The following TRHDE variants were observed in gnomAD, a reference collection of about 807,000 sequenced individuals.
The protein encoded by TRHDE is thyrotropin-releasing hormone-degrading ectoenzyme.
A neutral mutation model predicts 125.7 loss-of-function variants in TRHDE; 72 were observed. The ratio of observed to expected loss-of-function variants is 0.57; its 90% confidence interval spans 0.47 to 0.70. The LOEUF (loss-of-function observed/expected upper bound fraction) is 0.70. TRHDE is among the 30% of genes least tolerant of loss of function. The pLI is 0.00. For missense variants in TRHDE, 1,110 were observed against 1,327.1 expected, an observed-to-expected ratio of 0.84 and a Z score of 2.54; for synonymous variants, 509 against 509.1, an observed-to-expected ratio of 1.00 and a Z score of 0.00.
intron 3 of TRHDE, among the ~76,000 whole-genome samples, chr12:72,426,224 A>G (rs193010653): frequency 2.6e-5 from 4 of 152,262 alleles, no homozygotes; most frequent in Admixed American, 2.0e-4. Flanking sequence ...ACTGGCATAC[A>G]TATTTTCTCT....
intron 2 of TRHDE, among the ~76,000 whole-genome samples, chr12:72,217,804 C>T (rs1248033040): frequency 6.6e-6 from 1 of 152,052 alleles, no homozygotes; most frequent in African/African-American, 2.4e-5. Flanking sequence ...AACAACCACC[C>T]AAGTTTTTTA....
chr12:72,360,707 T>C (rs1464117125), intron 2 of TRHDE, among the ~76,000 whole-genome samples: 4 of 151,710 alleles, frequency 2.6e-5, no homozygotes, highest in African/African-American at 9.7e-5. Context: ...GAATTGAAAA[T>C]ATATTGTACA....
rs551122383 is a variant in TRHDE, at chr12:72,172,199, T to A, written n.279+66447T>A. ...CTTGGCTCTTCATTCATCTATTAAG[T>A]AACAAACGGGACGGAATATATGGTT... On this transcript the variant is annotated intron_variant and non_coding_transcript_variant, in intron 2 of 4. Coordinates refer to the TRHDE transcript ENST00000548156. Among the ~76,000 whole-genome samples the A allele has an allele frequency of 5.3e-5, 8 of 152,258 alleles. No individual in the cohort carries two copies. In the South Asian group the frequency reaches 6.2e-4, roughly 12 times the overall value.
At chr12:72,352,722 G>A (rs577846647) in intron 2 of TRHDE, among the ~76,000 whole-genome samples, 40 of 151,598 alleles carry the variant, frequency 2.6e-4, no homozygotes, top group Non-Finnish European at 5.5e-4. Context: ...AATGTTTATC[G>A]ATGCTCTATT....
At chr12:72,531,601 A>G (rs1868558033) in intron 6 of TRHDE, among the ~76,000 whole-genome samples, 1 of 151,656 alleles carries the variant, frequency 6.6e-6, no homozygotes, top group Non-Finnish European at 1.5e-5. Context: ...TGCATTGTAT[A>G]TTGAGTTCTG....
chr12:72,536,124 T>C (rs1868846049), intron 6 of TRHDE, among the ~76,000 whole-genome samples: 1 of 152,144 alleles, frequency 6.6e-6, no homozygotes, highest in African/African-American at 2.4e-5. Context: ...GTAGACTATA[T>C]ACTAGCCAAA....
At chr12:72,157,006 T>C (rs778018408) in intron 2 of TRHDE, among the ~76,000 whole-genome samples, 3 of 152,150 alleles carry the variant, frequency 2.0e-5, no homozygotes, top group Non-Finnish European at 4.4e-5. Context: ...TGTTAAGAGA[T>C]GACACGTAAC....
intron 3 of TRHDE, among the ~76,000 whole-genome samples, chr12:72,467,118 A>G (rs1176927140): frequency 6.6e-6 from 1 of 152,214 alleles, no homozygotes; most frequent in African/African-American, 2.4e-5. Context: ...GTTTTAGGGT[A>G]CATGTGCACA....
At position 72,286,912 on chromosome 12, in the gene TRHDE, C is replaced by A; in HGVS notation, c.1146C>A (p.Cys382Ter). 1 of 1,613,912 alleles carries A rather than the reference C, an allele frequency of 6.2e-7. No individual in the cohort carries two copies. Among genetic ancestry groups the A allele is most frequent in the South Asian group, 1.1e-5 (1 of 91,058 alleles). ...CATATTATTTAGCCTGGGCAATTTG[C>A]AACTTCACATACAGAGAAACTACCA... ...MSTYYLAWAI[C>*]NFTYRETTTK... The change falls in exon 2 of 19, where the codon TGC becomes TGA. Residue 382 changes from cysteine to a stop codon, truncating the protein, a stop_gained. Transcript: ENST00000261180. LOFTEE classifies it high-confidence loss of function.
At chr12:72,361,817 G>T (rs1871100786) in intron 2 of TRHDE, among the ~76,000 whole-genome samples, 1 of 137,588 alleles carries the variant, frequency 7.3e-6, no homozygotes, top group Admixed American at 7.6e-5. Flanking sequence ...GCAGTGTTTG[G>T]TTTTTTGTTC....
chr12:72,300,721 C>G (rs1292667286), intron 2 of TRHDE, among the ~76,000 whole-genome samples: 2 of 151,644 alleles, frequency 1.3e-5, no homozygotes, highest in Admixed American at 1.3e-4. Flanking sequence ...TATGTAATCT[C>G]CATGGTACAT....
chr12:72,515,560 G>T (rs550263946), intron 6 of TRHDE, among the ~76,000 whole-genome samples: 1 of 152,166 alleles, frequency 6.6e-6, no homozygotes, highest in East Asian at 1.9e-4. Flanking sequence ...AGATGAGTAG[G>T]TTGCGAAAAT....
chr12:72,414,523 C>T (rs1248746419), intron 3 of TRHDE, among the ~76,000 whole-genome samples: 1 of 152,076 alleles, frequency 6.6e-6, no homozygotes, highest in Non-Finnish European at 1.5e-5. Flanking sequence ...AATAACAACT[C>T]TGTCGAATTA....
chr12:72,503,804 C>T (rs1003443069), intron 6 of TRHDE, among the ~76,000 whole-genome samples: 7 of 152,176 alleles, frequency 4.6e-5, no homozygotes, highest in Non-Finnish European at 8.8e-5. Flanking sequence ...AGTAAATTGA[C>T]TCCCATCCAA....
chr12:72,292,774 AG>A (rs1880136599), intron 2 of TRHDE, among the ~76,000 whole-genome samples: 1 of 152,198 alleles, frequency 6.6e-6, no homozygotes, highest in Non-Finnish European at 1.5e-5. Context: ...ACATATTTCA[AG>A]GCTTTTGATA....
intron 6 of TRHDE, among the ~76,000 whole-genome samples, chr12:72,522,312 T>G (rs1213103393): frequency 6.6e-6 from 1 of 152,238 alleles, no homozygotes; most frequent in Non-Finnish European, 1.5e-5. Flanking sequence ...TATTATATTT[T>G]GTAATTATTT....
chr12:72,244,290 G>C (rs888167539), intron 2 of TRHDE, among the ~76,000 whole-genome samples: 11 of 152,142 alleles, frequency 7.2e-5, no homozygotes, highest in African/African-American at 2.7e-4. Context: ...AGCACACATA[G>C]GAGCAAATGA....
intron 2 of TRHDE, among the ~76,000 whole-genome samples, chr12:72,130,968 G>T (rs1157576817): frequency 6.6e-6 from 1 of 151,842 alleles, no homozygotes; most frequent in East Asian, 1.9e-4. Flanking sequence ...AAGAATTTAG[G>T]TCTTTTTCTA....
At chr12:72,304,910 G>T (rs997719405) in intron 2 of TRHDE, among the ~76,000 whole-genome samples, 5 of 152,142 alleles carry the variant, frequency 3.3e-5, no homozygotes, top group African/African-American at 1.2e-4. Flanking sequence ...TCTGTAAGCA[G>T]GTTGTATAGG....
Sources: gnomAD v4.1 joint callset for allele counts (sites outside exome capture counted in the v4.1 genomes callset) on GRCh38, gnomAD v4.1.1 for gene constraint, MANE v1.5 for transcripts, NCBI Gene and HGNC (gene_info 2026-07-23, HGNC 2026-07-21) for gene names.